Variants in CAMTA1 observed in about 807,000 individuals in gnomAD.
CAMTA1 encodes the protein calmodulin-binding transcription activator 1.
A neutral mutation model predicts 170.9 loss-of-function variants in CAMTA1; 27 were observed. The ratio of observed to expected loss-of-function variants is 0.16; its 90% CI spans 0.12 to 0.22. CAMTA1 has a LOEUF of 0.22. Among genes scored for constraint, CAMTA1 ranks in the 10% least tolerant of loss-of-function variants. CAMTA1 has a pLI of 1.00. For synonymous variants in CAMTA1, 833 were observed against 891.5 expected (o/e 0.93, Z 1.17); for missense variants, 1,619 against 2,217.2 (o/e 0.73, Z 5.42).
chr1:7,228,661 G>C (rs546416718), intron 4 of CAMTA1, among the ~76,000 whole-genome samples: 1 of 152,328 alleles, frequency 6.6e-6, no homozygotes, highest in South Asian at 2.1e-4. Flanking sequence ...CACCTACAGG[G>C]GCCTCGGACC....
chr1:6,814,535 C>T (rs1049452267), intron 1 of CAMTA1, among the ~76,000 whole-genome samples: 2 of 152,162 alleles, frequency 1.3e-5, no homozygotes, highest in Non-Finnish European at 2.9e-5. Flanking sequence ...AGAGCCACTG[C>T]TGTGAGAACA....
At chr1:7,259,756 A>G (rs1340568358) in intron 5 of CAMTA1, among the ~76,000 whole-genome samples, 1 of 152,226 alleles carries the variant, frequency 6.6e-6, no homozygotes, top group Non-Finnish European at 1.5e-5. Context: ...TGCCCTTGGC[A>G]ATGAGCGATA....
chr1:7,669,524 G>T (rs1445378277), intron 9 of CAMTA1, among the ~76,000 whole-genome samples: 1 of 152,232 alleles, frequency 6.6e-6, no homozygotes, highest in Non-Finnish European at 1.5e-5. Flanking sequence ...TGGTTGGCAC[G>T]GAGTTGGGGG....
Position 7,472,978 on chromosome 1 carries a change from A to G in CAMTA1, c.510+5077A>G, listed in dbSNP as rs554738205. 2.0e-5 allele frequency among the ~76,000 whole-genome samples: 3 copies of G among 152,272 alleles called. No individual in the cohort carries two copies. In the South Asian group the frequency reaches 6.2e-4, roughly 32 times the overall value. ...GGACTCACCACCCCCCAGGAGAGGAAGAAGATGCCTTCTCCATGGGGCTGC... is the reference window on the plus strand; with the variant it reads ...GGACTCACCACCCCCCAGGAGAGGAGGAAGATGCCTTCTCCATGGGGCTGC... On this transcript the variant is annotated intron_variant, in intron 6 of 22. Coordinates refer to ENST00000303635, the MANE Select transcript of CAMTA1 (RefSeq NM_015215.4).
chr1:7,090,027 C>T (rs1641271948), intron 3 of CAMTA1, among the ~76,000 whole-genome samples: 2 of 152,236 alleles, frequency 1.3e-5, no homozygotes, highest in Admixed American at 6.5e-5. Context: ...TTGCTATAGG[C>T]TTCTGCTTCC....
Position 6,814,912 on chromosome 1 carries a change from T to C in CAMTA1, c.46-5269T>C, listed in dbSNP as rs115431367. Among the ~76,000 whole-genome samples the C allele has an allele frequency of 2.9e-3, 435 of 152,260 alleles. 3 individuals are homozygous for C. Among genetic ancestry groups the C allele is most frequent in the African/African-American group, 0.01 (417 of 41,540 alleles). On this transcript the variant is annotated intron_variant, in intron 1 of 22. Coordinates refer to ENST00000303635, the MANE Select transcript of CAMTA1 (RefSeq NM_015215.4). ...TTAATCCATCTTCCAAAAACTCTAA[T>C]ATATGTATATATTATCCATATACAA...
rs1230318899 is a variant in CAMTA1, at chr1:6,965,372, C to G, written c.235-125932C>G. Reference sequence around the variant, plus strand: ...CAGCTCTAACTTGAGCAGAGGCATTCTGTTGTTATAAATAAGGCTGGTTTT... The same window carrying G: ...CAGCTCTAACTTGAGCAGAGGCATTGTGTTGTTATAAATAAGGCTGGTTTT... On this transcript the variant is annotated intron_variant, in intron 3 of 22. Transcript: ENST00000303635. This position sits in a 1 kb window ranked among gnomAD's most constrained non-coding sequence, Gnocchi z 4.1. 6.6e-6 allele frequency among the ~76,000 whole-genome samples: 1 copy of G among 152,100 alleles called. No homozygotes were observed. Among genetic ancestry groups the G allele is most frequent in the Non-Finnish European group, 1.5e-5 (1 of 68,026 alleles).
chr1:7,196,664 A>G (rs1441458633), intron 4 of CAMTA1, among the ~76,000 whole-genome samples: 5 of 152,212 alleles, frequency 3.3e-5, no homozygotes, highest in Non-Finnish European at 5.9e-5. Flanking sequence ...AATGAGGGCA[A>G]AAGAAATTGC....
At chr1:7,385,910 A>C (rs2087907771) in intron 5 of CAMTA1, among the ~76,000 whole-genome samples, 1 of 152,186 alleles carries the variant, frequency 6.6e-6, no homozygotes, top group Admixed American at 6.5e-5. Context: ...TTCGTTCCAC[A>C]TGCAGGAGCC....
At chr1:7,250,316 C>T (rs1010944202) in intron 5 of CAMTA1, among the ~76,000 whole-genome samples, 2 of 152,224 alleles carry the variant, frequency 1.3e-5, no homozygotes, top group African/African-American at 4.8e-5. Context: ...CCATGTGTCA[C>T]AGCCGTAGAG....
intron 11 of CAMTA1, among the ~76,000 whole-genome samples, chr1:7,707,370 G>T (rs17031446): frequency 6.6e-6 from 1 of 152,042 alleles, no homozygotes; most frequent in African/African-American, 2.4e-5. Context: ...AAAGTTTCCC[G>T]AGTGAAAGGT....
At chr1:6,878,996 C>T (rs1470909238) in intron 3 of CAMTA1, among the ~76,000 whole-genome samples, 8 of 152,168 alleles carry the variant, frequency 5.3e-5, no homozygotes, top group African/African-American at 9.7e-5. Flanking sequence ...TTTATCACAG[C>T]GAAGAGTTTT....
At chr1:7,100,918 C>G (rs1004356214) in intron 4 of CAMTA1, among the ~76,000 whole-genome samples, 4 of 152,214 alleles carry the variant, frequency 2.6e-5, no homozygotes, top group African/African-American at 9.7e-5. Context: ...GCCTTCGCGG[C>G]AGAGGCTTCG....
chr1:7,416,982 G>A (rs1204425463), intron 5 of CAMTA1, among the ~76,000 whole-genome samples: 3 of 152,226 alleles, frequency 2.0e-5, no homozygotes, highest in African/African-American at 7.2e-5. Context: ...CTAACAGACA[G>A]GACCCTCAGC....
At chr1:6,964,311 T>G (rs1333525478) in intron 3 of CAMTA1, among the ~76,000 whole-genome samples, 1 of 151,286 alleles carries the variant, frequency 6.6e-6, no homozygotes, top group Admixed American at 6.6e-5. Context: ...TGCAGTGTCC[T>G]CGGTGCCCCC....
Position 7,298,502 on chromosome 1 carries a change from T to G in CAMTA1, c.438+48876T>G, listed in dbSNP as rs144984190. ...GCCTGACCTGCCACATGCAGCCCTC[T>G]CTTCTGGGACTGTCTACACAAGTAC... On this transcript the variant is annotated intron_variant, in intron 5 of 22. Coordinates refer to ENST00000303635, the MANE Select transcript of CAMTA1 (RefSeq NM_015215.4). 3.5e-3 allele frequency among the ~76,000 whole-genome samples: 540 copies of G among 152,176 alleles called. 3 individuals carry two copies. The highest frequency in any genetic ancestry group is 0.012 in the African/African-American group (494 of 41,512).
chr1:7,153,100 G>C (rs140805957), intron 4 of CAMTA1, among the ~76,000 whole-genome samples: 2 of 152,298 alleles, frequency 1.3e-5, no homozygotes, highest in East Asian at 3.9e-4. Flanking sequence ...GCGGTGGTTT[G>C]TCAGACTTCT....
intron 4 of CAMTA1, among the ~76,000 whole-genome samples, chr1:7,222,286 G>A (rs984523455): frequency 4.0e-5 from 6 of 151,798 alleles, no homozygotes; most frequent in Admixed American, 2.6e-4. Context: ...ATGAGACATC[G>A]CCCGGGCTGG....
intron 7 of CAMTA1, among the ~76,000 whole-genome samples, chr1:7,660,310 G>T (rs535227080): frequency 2.6e-5 from 4 of 152,158 alleles, no homozygotes; most frequent in South Asian, 4.1e-4. Flanking sequence ...CAGGTGATCC[G>T]CCCACTTTGG....
Sources: gnomAD v4.1 joint callset for allele counts (sites outside exome capture counted in the v4.1 genomes callset) on GRCh38, gnomAD v4.1.1 for gene constraint, Gnocchi (gnomAD v3.1) non-coding constraint, MANE v1.5 for transcripts, NCBI Gene and HGNC (gene_info 2026-07-23, HGNC 2026-07-21) for gene names.